The following GRID2 variants were observed in gnomAD, a reference collection of about 807,000 sequenced individuals.
The protein encoded by GRID2 is glutamate ionotropic receptor delta type subunit 2, also known as glutamate receptor ionotropic, delta-2.
A neutral mutation model predicts 114.8 loss-of-function variants in GRID2; 33 were observed. The ratio of observed to expected loss-of-function variants is 0.29; its 90% CI spans 0.22 to 0.38. The LOEUF is 0.38. Ranked by LOEUF, GRID2 falls within the 10% of genes least tolerant of loss-of-function variation. The pLI is 1.00. For missense variants in GRID2, 1,184 were observed against 1,257.7 expected, an observed-to-expected ratio of 0.94 and a Z score of 0.89; for synonymous variants, 505 against 449.9, an observed-to-expected ratio of 1.12 and a Z score of -1.55.
intron 1 of GRID2, among the ~76,000 whole-genome samples, chr4:92,433,378 G>A (rs1732564228): frequency 6.6e-6 from 1 of 152,222 alleles, no homozygotes; most frequent in South Asian, 2.1e-4. Flanking sequence ...TAGGTTGCCA[G>A]AGTGCTTTAG....
intron 2 of GRID2, among the ~76,000 whole-genome samples, chr4:92,619,624 G>A (rs1398436366): frequency 6.6e-6 from 1 of 151,468 alleles, no homozygotes; most frequent in Non-Finnish European, 1.5e-5. Context: ...CCCAACCCCG[G>A]CATGGAAGCT....
chr4:93,661,354 G>C (rs1367875866), intron 14 of GRID2, among the ~76,000 whole-genome samples: 1 of 152,080 alleles, frequency 6.6e-6, no homozygotes, highest in African/African-American at 2.4e-5. Context: ...CCTTTTTTCA[G>C]TGTCATGTTT....
intron 2 of GRID2, among the ~76,000 whole-genome samples, chr4:93,021,506 T>A (rs2149246005): frequency 6.8e-6 from 1 of 147,550 alleles, no homozygotes; most frequent in Non-Finnish European, 1.5e-5. Context: ...TATAAAAAAA[T>A]AGGAAATTTT....
chr4:93,681,714 A>G (rs1578556947), intron 14 of GRID2, among the ~76,000 whole-genome samples: 1 of 152,206 alleles, frequency 6.6e-6, no homozygotes, highest in Non-Finnish European at 1.5e-5. Flanking sequence ...TGCTGGGAAA[A>G]CTGGCTAGCC....
intron 2 of GRID2, among the ~76,000 whole-genome samples, chr4:92,715,749 T>C (rs557753645): frequency 6.6e-6 from 1 of 152,258 alleles, no homozygotes; most frequent in South Asian, 2.1e-4. Flanking sequence ...GCCCAGTGAT[T>C]CACATACGTA....
chr4:92,348,773 A>G (rs893060004), intron 1 of GRID2, among the ~76,000 whole-genome samples: 4 of 152,170 alleles, frequency 2.6e-5, no homozygotes, highest in African/African-American at 9.6e-5. Context: ...TCCAGGCCCT[A>G]AGCAAGGTAA....
intron 2 of GRID2, among the ~76,000 whole-genome samples, chr4:92,693,720 A>G (rs181395479): frequency 6.6e-6 from 1 of 152,200 alleles, no homozygotes; most frequent in African/African-American, 2.4e-5. Flanking sequence ...CAGACTCACA[A>G]GAAGAGAGAA....
At chr4:92,704,723 T>TCTCTCTTTCTC (rs1734861937) in intron 2 of GRID2, among the ~76,000 whole-genome samples, 12 of 90,046 alleles carry the variant, frequency 1.3e-4, no homozygotes, top group Non-Finnish European at 2.8e-4. Flanking sequence ...CTCTCTCTCT[T>TCTCTCTTTCTC]TCTCTCTCTC....
intron 2 of GRID2, among the ~76,000 whole-genome samples, chr4:92,591,715 T>A (rs958153196): frequency 6.6e-6 from 1 of 152,154 alleles, no homozygotes; most frequent in Non-Finnish European, 1.5e-5. Context: ...TGAAACTTAT[T>A]TATGTTAGTT....
At chr4:93,186,568 T>C (rs1467739341) in intron 4 of GRID2, among the ~76,000 whole-genome samples, 1 of 152,230 alleles carries the variant, frequency 6.6e-6, no homozygotes, top group African/African-American at 2.4e-5. Flanking sequence ...CTACATGCTC[T>C]TCCCACTCTA....
chr4:93,725,481 T>A (rs919049452), intron 14 of GRID2, among the ~76,000 whole-genome samples: 8 of 152,056 alleles, frequency 5.3e-5, no homozygotes, highest in African/African-American at 1.9e-4. Flanking sequence ...TGATTTATAA[T>A]CCTTTGGGTA....
chr4:93,225,811 A>T (rs1745417966), intron 7 of GRID2, among the ~76,000 whole-genome samples: 1 of 152,166 alleles, frequency 6.6e-6, no homozygotes, highest in African/African-American at 2.4e-5. Flanking sequence ...CAAATTGGGA[A>T]ATATATAAAA....
chr4:93,123,705 A>G (rs1455726550), intron 4 of GRID2, among the ~76,000 whole-genome samples: 1 of 152,132 alleles, frequency 6.6e-6, no homozygotes, highest in Admixed American at 6.5e-5. Flanking sequence ...CTAATCAAAT[A>G]AAGTCTATTG....
chr4:93,683,490 G>A (rs568367212), intron 14 of GRID2, among the ~76,000 whole-genome samples: 7 of 152,014 alleles, frequency 4.6e-5, no homozygotes, highest in Non-Finnish European at 8.8e-5. Flanking sequence ...TGTGATTTTG[G>A]TTCTTTCTTG....
intron 10 of GRID2, among the ~76,000 whole-genome samples, chr4:93,426,247 G>T (rs72884576): frequency 1.1e-4 from 17 of 151,984 alleles, no homozygotes; most frequent in Admixed American, 1.0e-3. Context: ...TACAAAATGG[G>T]CAATCGTCAG....
chr4:93,757,132 T>G (rs1179955999), intron 14 of GRID2, among the ~76,000 whole-genome samples: 1 of 152,160 alleles, frequency 6.6e-6, no homozygotes, highest in Non-Finnish European at 1.5e-5. Context: ...TCATATTTAC[T>G]AAAGGATATT....
At chr4:92,965,990 TAGAAAC>T (rs1428966415) in intron 2 of GRID2, among the ~76,000 whole-genome samples, 4 of 151,914 alleles carry the variant, frequency 2.6e-5, no homozygotes, top group African/African-American at 7.2e-5. Flanking sequence ...GGCTCATTCT[TAGAAAC>T]AGAAAGACTT....
intron 2 of GRID2, among the ~76,000 whole-genome samples, chr4:92,858,208 A>G (rs948763781): frequency 3.9e-5 from 6 of 152,182 alleles, no homozygotes; most frequent in Non-Finnish European, 8.8e-5. Flanking sequence ...CTGAGTAGTA[A>G]TTTTAACTTT....
At chr4:92,855,135 G>A (rs1403469300) in intron 2 of GRID2, among the ~76,000 whole-genome samples, 3 of 152,000 alleles carry the variant, frequency 2.0e-5, no homozygotes, top group African/African-American at 7.2e-5. Flanking sequence ...ATCTAGCATT[G>A]TGAGACTACT....
Sources: allele counts gnomAD v4.1 joint callset (sites outside exome capture counted in the v4.1 genomes callset), GRCh38; gene constraint gnomAD v4.1.1; transcripts MANE v1.5; gene names NCBI Gene and HGNC (gene_info 2026-07-23, HGNC 2026-07-21).